Variants in PRKCE observed in about 807,000 individuals in gnomAD.
PRKCE encodes the protein protein kinase C epsilon.
A neutral mutation model predicts 85.4 loss-of-function variants in PRKCE; 16 were observed. That is an observed-to-expected ratio of 0.19 (90% CI 0.13 to 0.28). PRKCE has a LOEUF of 0.28. Among genes scored for constraint, PRKCE ranks in the 10% least tolerant of loss-of-function variants. The probability of loss-of-function intolerance (pLI) is 1.00; values close to 1 mark genes in which losing one functional copy is unlikely to be tolerated. For synonymous variants in PRKCE, 388 were observed against 371.5 expected (o/e 1.04, Z -0.51); for missense variants, 573 against 975.2 (o/e 0.59, Z 5.49).
intron 2 of PRKCE, among the ~76,000 whole-genome samples, chr2:45,941,463 A>G (rs1699874124): frequency 6.6e-6 from 1 of 152,208 alleles, no homozygotes; most frequent in Non-Finnish European, 1.5e-5. Context: ...GATCATACAG[A>G]CCTACATCAA....
intron 10 of PRKCE, among the ~76,000 whole-genome samples, chr2:46,012,306 T>C (rs548932461): frequency 7.1e-6 from 1 of 140,094 alleles, no homozygotes; most frequent in East Asian, 2.0e-4. Flanking sequence ...TTTCTTTTCC[T>C]TTTTTTTTTT....
chr2:45,677,331 GTTTTTTTTT>G (rs1553375032), intron 1 of PRKCE, among the ~76,000 whole-genome samples: 1 of 108,576 alleles, frequency 9.2e-6, no homozygotes, highest in East Asian at 2.7e-4. Flanking sequence ...TTTTTTTTTT[GTTTTTTTTT>G]TTGTTGTTGT....
In PRKCE at chr2:45,752,738, A is replaced by C. The variant is rs181547921; in HGVS notation, c.349-90262A>C. On this transcript the variant is annotated intron_variant, in intron 1 of 14. Transcript: ENST00000306156. ...TATCTTTTGTACCATGCAGGCAGGC[A>C]GTCAGGTCACCCTGACCTAGGTACC... Among the ~76,000 whole-genome samples, 392 of 152,234 alleles carry C rather than the reference A, an allele frequency of 2.6e-3. 1 individual carries two copies. The highest frequency in any genetic ancestry group is 4.4e-3 in the Non-Finnish European group (300 of 68,010).
intron 10 of PRKCE, among the ~76,000 whole-genome samples, chr2:46,067,302 A>G (rs1667703372): frequency 6.6e-6 from 1 of 152,222 alleles, no homozygotes; most frequent in Non-Finnish European, 1.5e-5. Context: ...CATCAAAATA[A>G]TTTTATTTAA....
At chr2:45,740,146 T>C (rs1173473597) in intron 1 of PRKCE, among the ~76,000 whole-genome samples, 1 of 56,208 alleles carries the variant, frequency 1.8e-5, no homozygotes, top group Non-Finnish European at 3.3e-5. Context: ...AGACCCCATC[T>C]CAAAAAAAAA....
At chr2:46,083,071 C>A (rs1248611440) in intron 10 of PRKCE, among the ~76,000 whole-genome samples, 2 of 152,166 alleles carry the variant, frequency 1.3e-5, no homozygotes, top group South Asian at 2.1e-4. Flanking sequence ...CATGCCTCAG[C>A]CTCCTGAGTA....
intron 2 of PRKCE, among the ~76,000 whole-genome samples, chr2:45,897,399 C>T (rs555670018): frequency 6.6e-6 from 1 of 152,258 alleles, no homozygotes; most frequent in East Asian, 1.9e-4. Flanking sequence ...GAAATCAGGG[C>T]CCCTTTTTTG....
intron 14 of PRKCE, among the ~76,000 whole-genome samples, chr2:46,161,983 A>G (rs1369524830): frequency 2.6e-5 from 4 of 152,114 alleles, no homozygotes; most frequent in Non-Finnish European, 5.9e-5. Context: ...AGGGATGGGG[A>G]AAAACCTAGA....
At chr2:45,765,127 G>A (rs528874750) in intron 1 of PRKCE, among the ~76,000 whole-genome samples, 7 of 152,284 alleles carry the variant, frequency 4.6e-5, no homozygotes, top group South Asian at 2.1e-4. Context: ...TGGAGGAAAC[G>A]CTTTACCCTT....
intron 2 of PRKCE, among the ~76,000 whole-genome samples, chr2:45,880,584 A>G (rs1694806011): frequency 6.6e-6 from 1 of 151,822 alleles, no homozygotes; most frequent in African/African-American, 2.4e-5. Flanking sequence ...TATATTTTTG[A>G]TTAAGACAGT....
At chr2:45,837,591 C>T (rs1690986698) in intron 1 of PRKCE, among the ~76,000 whole-genome samples, 1 of 152,186 alleles carries the variant, frequency 6.6e-6, no homozygotes, top group African/African-American at 2.4e-5. Flanking sequence ...AGTCCGGCTC[C>T]AGGGGTCTCA....
chr2:46,000,497 T>C (rs1487858648), intron 6 of PRKCE, among the ~76,000 whole-genome samples: 1 of 151,860 alleles, frequency 6.6e-6, no homozygotes, highest in Non-Finnish European at 1.5e-5. Flanking sequence ...TAAAATAGTT[T>C]CTCCTAAGAG....
chr2:45,902,612 G>A (rs1260073661), intron 2 of PRKCE, among the ~76,000 whole-genome samples: 1 of 152,178 alleles, frequency 6.6e-6, no homozygotes, highest in East Asian at 1.9e-4. Context: ...GGAGGGTCAG[G>A]GAAGTTCTTG....
At chr2:46,174,102 G>A (rs896326326) in intron 14 of PRKCE, among the ~76,000 whole-genome samples, 4 of 152,206 alleles carry the variant, frequency 2.6e-5, no homozygotes, top group Non-Finnish European at 4.4e-5. Context: ...GCCTCCAAAG[G>A]AATGAAGCAA....
chr2:46,145,358 A>T lies in PRKCE; in HGVS notation c.1731+127A>T. On this transcript the variant is annotated intron_variant, in intron 12 of 14. Transcript: ENST00000306156. The surrounding 1 kb of genome is among the most constrained non-coding windows in gnomAD (Gnocchi z 4.6). The stretch of plus-strand genomic sequence containing the variant: ...CTGGAAATCCAGGATGGATTCTAGG[A>T]AGGAGGGAGAAAAGGAAAGGAAAAA... The T allele has an allele frequency of 7.7e-7, 1 of 1,298,130 alleles. No individual in the cohort carries two copies. Among genetic ancestry groups the T allele is most frequent in the South Asian group, 1.4e-5 (1 of 72,228 alleles). 80.4% of individuals were successfully genotyped at this position (1,298,130 alleles called of 1,614,324 possible). A position where few individuals can be genotyped will look rare whatever the true frequency, so the allele number is the denominator to read the frequency against.
At chr2:46,132,544 G>A (rs1357176693) in intron 11 of PRKCE, among the ~76,000 whole-genome samples, 1 of 152,124 alleles carries the variant, frequency 6.6e-6, no homozygotes, top group African/African-American at 2.4e-5. Flanking sequence ...AACTCTACCA[G>A]ATTATGTCCT....
intron 2 of PRKCE, among the ~76,000 whole-genome samples, chr2:45,881,473 A>G (rs895270047): frequency 1.3e-5 from 2 of 152,216 alleles, no homozygotes; most frequent in Non-Finnish European, 2.9e-5. Flanking sequence ...CCCAAGTCAG[A>G]AATTTATAAA....
At chr2:46,067,436 A>G (rs1667715441) in intron 10 of PRKCE, among the ~76,000 whole-genome samples, 1 of 152,206 alleles carries the variant, frequency 6.6e-6, no homozygotes, top group Non-Finnish European at 1.5e-5. Context: ...TGACAGGAGT[A>G]CCTGTTAGCC....
chr2:45,937,964 C>A (rs576843990), intron 2 of PRKCE, among the ~76,000 whole-genome samples: 2 of 152,298 alleles, frequency 1.3e-5, no homozygotes, highest in South Asian at 4.1e-4. Context: ...GCCCATTCGC[C>A]CTCCTTGCTG....
Sources: allele counts gnomAD v4.1 joint callset (sites outside exome capture counted in the v4.1 genomes callset), GRCh38; gene constraint gnomAD v4.1.1; non-coding constraint Gnocchi (gnomAD v3.1); transcripts MANE v1.5; gene names NCBI Gene and HGNC (gene_info 2026-07-23, HGNC 2026-07-21).